TACC2: variants seen among roughly 807,000 people sequenced by gnomAD.
The protein encoded by TACC2 is transforming acidic coiled-coil containing protein 2.
Under a neutral mutation model 227.3 loss-of-function variants are expected in TACC2, and 137 were observed. That is an observed-to-expected ratio of 0.60 (90% CI 0.52 to 0.69). The LOEUF (loss-of-function observed/expected upper bound fraction) is 0.69, where lower values mean the gene tolerates loss of function less well. TACC2 is among the 30% of genes least tolerant of loss of function. TACC2 has a pLI of 0.00. For synonymous variants in TACC2, 1,523 were observed against 1,487.5 expected (o/e 1.02, Z -0.55); for missense variants, 3,470 against 3,694.4 (o/e 0.94, Z 1.57).
chr10:122,037,466 C>T, intron 2 of TACC2, among the ~76,000 whole-genome samples: 1 of 152,320 alleles, frequency 6.6e-6, no homozygotes, highest in Middle Eastern at 3.4e-3. Flanking sequence ...GAACTTGTGC[C>T]CAGCTCTGTC....
intron 8 of TACC2, among the ~76,000 whole-genome samples, chr10:122,202,838 G>A (rs1370932571): frequency 4.6e-5 from 7 of 150,726 alleles, no homozygotes; most frequent in Admixed American, 2.6e-4. Context: ...CTGGGTACTT[G>A]AGATTAGGGA....
In TACC2 at chr10:122,084,590, G is replaced by C. The variant is rs773552274; in HGVS notation, c.2090G>C (p.Cys697Ser). 1.2e-6 allele frequency: 2 copies of C among 1,613,868 alleles called. No individual in the cohort carries two copies. Among genetic ancestry groups the C allele is most frequent in the South Asian group, 2.2e-5 (2 of 91,090 alleles). ...GAGGGGTCAGGATTGCAGCCCAAAT[G>C]TCCTGACACCCTTCAGAGCAGGGAA... The part of the protein sequence containing the change: ...IWEGSGLQPK[C>S]PDTLQSREGL... The change falls in exon 4 of 23, where the codon TGT (cysteine) becomes TCT (serine). Residue 697 changes from cysteine (C) to serine (S), a missense_variant. By Grantham distance (112) the Cys-to-Ser change is moderately radical (BLOSUM62 -1). Around this residue, in one of 10 missense-constraint regions of TACC2, gnomAD observed 1,924 missense variants for 1,978.3 expected, o/e 0.97. Transcript: ENST00000369005.
chr10:122,003,773 A>G lies in TACC2; in HGVS notation c.-46+14285A>G, dbSNP rs866359839. ...CGGGTTCATGCCATTCTCCTGCCTCAGCCTCCCAAATGGCTGGGACTACAG... is the reference window on the plus strand; with the variant it reads ...CGGGTTCATGCCATTCTCCTGCCTCGGCCTCCCAAATGGCTGGGACTACAG... On this transcript the variant is annotated intron_variant, in intron 1 of 22. Coordinates refer to ENST00000369005, the MANE Select transcript of TACC2 (RefSeq NM_206862.4). Among the ~76,000 whole-genome samples, 7 of 151,588 alleles carry G rather than the reference A, an allele frequency of 4.6e-5. No individual in the cohort carries two copies. In the South Asian group the frequency reaches 1.0e-3, roughly 23 times the overall value.
chr10:122,199,621 G>A (rs1036796992), intron 8 of TACC2, among the ~76,000 whole-genome samples: 12 of 152,196 alleles, frequency 7.9e-5, no homozygotes, highest in Admixed American at 4.6e-4. Flanking sequence ...CCTGGGCCAG[G>A]TGCTTACAGA....
intron 1 of TACC2, among the ~76,000 whole-genome samples, chr10:122,008,612 A>G (rs1955547873): frequency 6.8e-6 from 1 of 146,916 alleles, no homozygotes; most frequent in Non-Finnish European, 1.5e-5. Flanking sequence ...TCACTCTGTC[A>G]CCCAGGCTGG....
chr10:122,016,261 GAAAAAAAAAAGGA>G (rs1290117257), intron 1 of TACC2, among the ~76,000 whole-genome samples: 1 of 103,292 alleles, frequency 9.7e-6, no homozygotes, highest in African/African-American at 3.9e-5. Context: ...GACCCTGTCT[GAAAAAAAAAAGGA>G]AAAAAAAAAA....
At chr10:122,189,744 T>C (rs1196679231) in intron 7 of TACC2, among the ~76,000 whole-genome samples, 2 of 152,256 alleles carry the variant, frequency 1.3e-5, no homozygotes, top group Non-Finnish European at 2.9e-5. Context: ...TCAAATGTTA[T>C]ATAAACTTTA....
intron 11 of TACC2, 37 bp downstream of exon 11, chr10:122,216,865 C>T: frequency 1.2e-6 from 2 of 1,614,120 alleles, no homozygotes; most frequent in Non-Finnish European, 1.7e-6. Context: ...CCCCACTCTG[C>T]CTCGGAGAAT....
intron 7 of TACC2, chr10:122,164,028 G>C: frequency 3.8e-6 from 6 of 1,558,508 alleles, no homozygotes; most frequent in Non-Finnish European, 5.2e-6. Context: ...GAGTCTCCCG[G>C]GGAGGAGGAG....
intron 16 of TACC2, among the ~76,000 whole-genome samples, chr10:122,232,150 T>C (rs2095764937): frequency 6.6e-6 from 1 of 152,190 alleles, no homozygotes; most frequent in African/African-American, 2.4e-5. Context: ...TAAGCTTAGG[T>C]TGAATTTCCA....
chr10:122,168,194 C>T (rs1227368765), intron 7 of TACC2, among the ~76,000 whole-genome samples: 1 of 152,046 alleles, frequency 6.6e-6, no homozygotes, highest in Non-Finnish European at 1.5e-5. Context: ...CATGAGCCAG[C>T]GCACCCAGCC....
At chr10:121,999,553 T>C (rs1449488990) in intron 1 of TACC2, among the ~76,000 whole-genome samples, 1 of 152,250 alleles carries the variant, frequency 6.6e-6, no homozygotes, top group Non-Finnish European at 1.5e-5. Flanking sequence ...TATTACTGTT[T>C]GCAGGGCCTG....
intron 2 of TACC2, among the ~76,000 whole-genome samples, chr10:122,030,963 C>T (rs1186572220): frequency 6.6e-6 from 1 of 152,098 alleles, no homozygotes; most frequent in Non-Finnish European, 1.5e-5. Flanking sequence ...TCTTGGGTAC[C>T]ATGATCTACC....
chr10:122,139,446 C>T (rs1054459322), intron 6 of TACC2, among the ~76,000 whole-genome samples: 4 of 152,190 alleles, frequency 2.6e-5, no homozygotes, highest in African/African-American at 4.8e-5. Context: ...CTCTCAGCAC[C>T]TTCTGATTTT....
intron 1 of TACC2, among the ~76,000 whole-genome samples, chr10:121,992,772 C>T (rs937326984): frequency 2.0e-5 from 3 of 151,658 alleles, no homozygotes; most frequent in Non-Finnish European, 4.4e-5. Context: ...CTGGGCAACA[C>T]GGCGAAACCC....
At chr10:122,139,908 AT>A (rs1467895930) in intron 6 of TACC2, among the ~76,000 whole-genome samples, 1 of 152,162 alleles carries the variant, frequency 6.6e-6, no homozygotes, top group Non-Finnish European at 1.5e-5. Context: ...CAAGGGCTTA[AT>A]TTGGCAGCTC....
chr10:122,088,818 T>C, intron 5 of TACC2: 1 of 1,410,776 alleles, frequency 7.1e-7, no homozygotes, highest in Non-Finnish European at 9.5e-7. Context: ...TTGAGTTTAT[T>C]ACCTTAAATT....
chr10:122,104,216 T>C (rs2082486911), intron 5 of TACC2, among the ~76,000 whole-genome samples: 1 of 152,122 alleles, frequency 6.6e-6, no homozygotes, highest in African/African-American at 2.4e-5. Flanking sequence ...CTGGTCCATG[T>C]CCTCTTCTTT....
Position 122,086,835 on chromosome 10 carries a change from A to T in TACC2, c.4335A>T (p.Pro1445=), listed in dbSNP as rs1199708536. ...RSAVGKDLTR[P]LGPEKLLDGP... The stretch of plus-strand genomic sequence containing the variant: ...CAGTGGGTAAAGACCTCACCAGGCC[A>T]TTGGGCCCAGAGAAGCTTCTAGATG... Residue 1445 remains proline (P), a synonymous_variant, in exon 4 of 23, where the codon CCA becomes CCT. Coordinates refer to ENST00000369005, the MANE Select transcript of TACC2 (RefSeq NM_206862.4). 3.7e-6 allele frequency: 6 copies of T among 1,613,978 alleles called. No homozygotes were observed. In the East Asian group the frequency reaches 1.3e-4, roughly 36 times the overall value.
Sources: gnomAD v4.1 joint callset for allele counts (sites outside exome capture counted in the v4.1 genomes callset) on GRCh38, gnomAD v4.1.1 for gene constraint, gnomAD v4.1.1 regional missense constraint, MANE v1.5 for transcripts, NCBI Gene and HGNC (gene_info 2026-07-23, HGNC 2026-07-21) for gene names.